Variants in KIF16B observed in about 807,000 individuals in gnomAD.
KIF16B encodes kinesin family member 16B.
KIF16B carries 98 observed loss-of-function variants against 156.3 expected under a neutral mutation model. The ratio of observed to expected loss-of-function variants is 0.63; its 90% CI spans 0.53 to 0.74. The LOEUF (loss-of-function observed/expected upper bound fraction) is 0.74, where lower values mean the gene tolerates loss of function less well. Ranked by LOEUF, KIF16B falls within the 30% of genes least tolerant of loss-of-function variation. KIF16B has a pLI of 0.00. For missense variants in KIF16B, 1,421 were observed against 1,606.5 expected, an observed-to-expected ratio of 0.88 and a Z score of 1.97; for synonymous variants, 564 against 583.7, an observed-to-expected ratio of 0.97 and a Z score of 0.49.
intron 12 of KIF16B, among the ~76,000 whole-genome samples, chr20:16,440,296 A>T (rs2066757402): frequency 6.6e-6 from 1 of 152,118 alleles, no homozygotes; most frequent in Non-Finnish European, 1.5e-5. Flanking sequence ...AACTCAAAAC[A>T]ATAGTTAATA....
chr20:16,531,604 G>A (rs1344922210), intron 1 of KIF16B, among the ~76,000 whole-genome samples: 1 of 152,352 alleles, frequency 6.6e-6, no homozygotes, highest in African/African-American at 2.4e-5. Flanking sequence ...GGAATGACAA[G>A]TGTAAGTGGG....
intron 1 of KIF16B, among the ~76,000 whole-genome samples, chr20:16,542,210 A>AG (rs2070231725): frequency 6.6e-6 from 1 of 152,220 alleles, no homozygotes; most frequent in Non-Finnish European, 1.5e-5. Context: ...GTACAAAATG[A>AG]GTTACCTTAA....
intron 4 of KIF16B, 43 bp downstream of exon 4, chr20:16,515,505 A>T: frequency 2.0e-6 from 2 of 1,011,634 alleles, no homozygotes; most frequent in Non-Finnish European, 3.2e-6. Context: ...GTCCAGAGAA[A>T]GATAATGAGA....
intron 1 of KIF16B, among the ~76,000 whole-genome samples, chr20:16,535,195 T>G (rs1207261277): frequency 6.6e-6 from 1 of 152,192 alleles, no homozygotes; most frequent in Non-Finnish European, 1.5e-5. Context: ...GCAGTTTTCC[T>G]TGAAGAGATC....
chr20:16,333,752 A>G (rs1238069560), intron 24 of KIF16B, among the ~76,000 whole-genome samples: 1 of 152,224 alleles, frequency 6.6e-6, no homozygotes, highest in Non-Finnish European at 1.5e-5. Context: ...AAAAACACAG[A>G]TTAGAGTTGT....
intron 3 of KIF16B, among the ~76,000 whole-genome samples, chr20:16,517,361 C>A (rs1330693993): frequency 6.6e-6 from 1 of 152,236 alleles, no homozygotes; most frequent in Non-Finnish European, 1.5e-5. Flanking sequence ...CTCTCAAATT[C>A]TGATGACTTA....
chr20:16,354,996 G>A (rs779852913), intron 23 of KIF16B, among the ~76,000 whole-genome samples: 3 of 149,938 alleles, frequency 2.0e-5, no homozygotes, highest in African/African-American at 4.9e-5. Flanking sequence ...CTTTCTCAAT[G>A]AAAACCTCAA....
At chr20:16,562,673 G>A (rs6111185) in intron 1 of KIF16B, among the ~76,000 whole-genome samples, 3,054 of 152,308 alleles carry the variant, frequency 0.02, 41 homozygotes, top group Middle Eastern at 0.068. Flanking sequence ...AGATCTACAC[G>A]GTGACTGGCT....
At chr20:16,360,338 A>C (rs1271491463) in intron 22 of KIF16B, among the ~76,000 whole-genome samples, 1 of 152,154 alleles carries the variant, frequency 6.6e-6, no homozygotes, top group African/African-American at 2.4e-5. Context: ...TAGACATGCA[A>C]ATGTTTGCTG....
At chr20:16,363,364 C>T (rs1033200068) in intron 22 of KIF16B, among the ~76,000 whole-genome samples, 1 of 152,162 alleles carries the variant, frequency 6.6e-6, no homozygotes, top group African/African-American at 2.4e-5. Flanking sequence ...GGTCCTAGGG[C>T]ATACTCTTCC....
chr20:16,520,630 C>A (rs557848061), intron 3 of KIF16B, among the ~76,000 whole-genome samples: 1 of 152,164 alleles, frequency 6.6e-6, no homozygotes, highest in Non-Finnish European at 1.5e-5. Flanking sequence ...TTCCTGCCTC[C>A]CAGGTCTGAA....
intron 12 of KIF16B, among the ~76,000 whole-genome samples, chr20:16,452,184 A>G (rs1242370405): frequency 6.6e-6 from 1 of 152,136 alleles, no homozygotes; most frequent in East Asian, 1.9e-4. Context: ...AGAAGGGAGC[A>G]GTGAGAAAAG....
intron 17 of KIF16B, among the ~76,000 whole-genome samples, chr20:16,393,077 A>C (rs1450563259): frequency 6.6e-6 from 1 of 152,236 alleles, no homozygotes; most frequent in Non-Finnish European, 1.5e-5. Flanking sequence ...TAAAAAAAGT[A>C]GAAACTGTAT....
intron 12 of KIF16B, among the ~76,000 whole-genome samples, chr20:16,436,019 T>G (rs1341562504): frequency 1.3e-5 from 2 of 152,220 alleles, no homozygotes; most frequent in Non-Finnish European, 2.9e-5. Context: ...ATTTCATCTA[T>G]ATTGGGATCT....
chr20:16,384,238 T>C (rs2065173524), intron 17 of KIF16B, among the ~76,000 whole-genome samples: 1 of 152,192 alleles, frequency 6.6e-6, no homozygotes, highest in Admixed American at 6.5e-5. Context: ...GGCAAGAGGC[T>C]ACAACAGTCT....
At chr20:16,373,991 C>T (rs2064883260) in intron 20 of KIF16B, among the ~76,000 whole-genome samples, 1 of 152,194 alleles carries the variant, frequency 6.6e-6, no homozygotes. Context: ...GAAACCAATC[C>T]TCTGCAGATA....
At chr20:16,412,258 G>T (rs1307267637) in intron 15 of KIF16B, among the ~76,000 whole-genome samples, 1 of 151,936 alleles carries the variant, frequency 6.6e-6, no homozygotes, top group Non-Finnish European at 1.5e-5. Context: ...TGGCATAGAG[G>T]TCACAAGTGG....
Position 16,379,326 on chromosome 20 carries a change from G to C in KIF16B, c.2676C>G (p.Phe892Leu). 1 of 1,606,336 alleles carries C rather than the reference G, an allele frequency of 6.2e-7. No homozygotes were observed. The highest frequency in any genetic ancestry group is 8.5e-7 in the Non-Finnish European group (1 of 1,177,124). ...TGTACTCCACTGGCTTTATTTTCTC[G>C]AAATCTTGAGGCACTTCCGTGACAT... ...VTDVTEVPQD[F>L]EKIKPVEYRL... The change falls in exon 19 of 26, where the codon TTC becomes TTG. Residue 892 changes from phenylalanine (F) to leucine (L), a missense_variant. By Grantham distance (22) the Phe-to-Leu change is conservative. Coordinates refer to ENST00000354981, the MANE Select transcript of KIF16B (RefSeq NM_024704.5).
chr20:16,316,170 C>G (rs931435123), intron 24 of KIF16B, among the ~76,000 whole-genome samples: 2 of 152,190 alleles, frequency 1.3e-5, no homozygotes, highest in African/African-American at 4.8e-5. Context: ...TTTCATCTAT[C>G]TAAATCCTGC....
Sources: gnomAD v4.1 joint callset for allele counts (sites outside exome capture counted in the v4.1 genomes callset) on GRCh38, gnomAD v4.1.1 for gene constraint, MANE v1.5 for transcripts, NCBI Gene and HGNC (gene_info 2026-07-23, HGNC 2026-07-21) for gene names.